Variants in ADGRB3 observed in about 807,000 individuals in gnomAD.
ADGRB3 encodes brain-specific angiogenesis inhibitor 3.
In ADGRB3, 37 loss-of-function variants were observed where a neutral mutation model predicts 193.4. The ratio of observed to expected loss-of-function variants is 0.19; its 90% CI spans 0.15 to 0.25. The LOEUF (loss-of-function observed/expected upper bound fraction) is 0.25. ADGRB3 is among the 10% of genes least tolerant of loss of function. The pLI is 1.00. For missense variants in ADGRB3, 1,637 were observed against 1,852.9 expected (o/e 0.88, Z 2.14); for synonymous variants, 690 against 644.2 (o/e 1.07, Z -1.08).
chr6:68,714,819 C>T (rs1172270663), intron 3 of ADGRB3, among the ~76,000 whole-genome samples: 2 of 151,614 alleles, frequency 1.3e-5, no homozygotes, highest in African/African-American at 4.8e-5. Context: ...TCTGGAATTC[C>T]TTTTCTTTTC....
intron 11 of ADGRB3, among the ~76,000 whole-genome samples, chr6:68,994,233 T>C (rs1230198875): frequency 6.6e-6 from 1 of 152,196 alleles, no homozygotes; most frequent in Non-Finnish European, 1.5e-5. Context: ...AAAGGCACTA[T>C]AGCAAATTCA....
At chr6:68,780,684 G>GC (rs1403495873) in intron 3 of ADGRB3, among the ~76,000 whole-genome samples, 16 of 151,964 alleles carry the variant, frequency 1.1e-4, no homozygotes, top group Non-Finnish European at 2.1e-4. Flanking sequence ...CTAAGCACAA[G>GC]GGTTTTTTTT....
chr6:69,325,022 G>T lies in ADGRB3; in HGVS notation c.2965G>T (p.Gly989Cys), dbSNP rs749926857. 6.2e-7 allele frequency: 1 copy of T among 1,612,960 alleles called. No individual in the cohort carries two copies. Among genetic ancestry groups the T allele is most frequent in the South Asian group, 1.1e-5 (1 of 90,934 alleles). ...AAAACGCTTTTTGTGCCTTGGATGG[G>T]GTAAGCATATTGATATACCGTTTCA... ...IRKRFLCLGW[G>C]LPALVVATSV... The change falls in exon 21 of 32, where the codon GGT becomes TGT. Residue 989 changes from glycine to cysteine, a missense_variant and splice_region_variant. By Grantham distance (159) the Gly-to-Cys change is radical. Transcript: ENST00000370598.
At chr6:68,737,896 G>T (rs770055657) in intron 3 of ADGRB3, among the ~76,000 whole-genome samples, 6 of 152,154 alleles carry the variant, frequency 3.9e-5, no homozygotes, top group Non-Finnish European at 5.9e-5. Context: ...AGAGTTCAGG[G>T]TTTAGTGGGT....
chr6:69,048,480 C>G (rs1771302311), intron 14 of ADGRB3, 146 bp downstream of exon 14: 2 of 890,054 alleles, frequency 2.2e-6, no homozygotes, highest in South Asian at 2.0e-5. Flanking sequence ...ATATGGACAA[C>G]TTATTCTCGG....
chr6:69,222,566 T>C (rs144559151), intron 17 of ADGRB3, among the ~76,000 whole-genome samples: 16 of 152,278 alleles, frequency 1.1e-4, no homozygotes, highest in Middle Eastern at 6.8e-3. Flanking sequence ...GTTTATTTCA[T>C]AGATCATATA....
chr6:69,351,760 A>G (rs1769231249), intron 26 of ADGRB3, among the ~76,000 whole-genome samples: 2 of 152,190 alleles, frequency 1.3e-5, no homozygotes, highest in South Asian at 4.1e-4. Context: ...TCAAGCAACT[A>G]AGAGTTGATT....
intron 19 of ADGRB3, among the ~76,000 whole-genome samples, chr6:69,237,888 G>A (rs1403486483): frequency 6.6e-6 from 1 of 151,986 alleles, no homozygotes; most frequent in Middle Eastern, 3.2e-3. Context: ...GATGATACAG[G>A]AACAAGGTTC....
chr6:68,877,103 G>A (rs1249566680), intron 3 of ADGRB3, among the ~76,000 whole-genome samples: 1 of 151,658 alleles, frequency 6.6e-6, no homozygotes, highest in Non-Finnish European at 1.5e-5. Context: ...TTTCTTTTAA[G>A]TCCTTGATAA....
At chr6:69,035,316 G>C (rs917062867) in intron 13 of ADGRB3, among the ~76,000 whole-genome samples, 8 of 151,756 alleles carry the variant, frequency 5.3e-5, no homozygotes, top group Middle Eastern at 3.4e-3. Flanking sequence ...ACATACTTCA[G>C]TTCTCCCTAT....
chr6:69,157,045 C>G (rs887171021), intron 17 of ADGRB3, among the ~76,000 whole-genome samples: 1 of 152,208 alleles, frequency 6.6e-6, no homozygotes, highest in Non-Finnish European at 1.5e-5. Context: ...GGCATCCATG[C>G]TGGACGCAAA....
intron 15 of ADGRB3, among the ~76,000 whole-genome samples, chr6:69,061,049 A>C (rs1168160523): frequency 2.0e-5 from 3 of 151,370 alleles, no homozygotes; most frequent in African/African-American, 7.3e-5. Flanking sequence ...TGTACCTTCA[A>C]TTGACTCATT....
chr6:69,297,406 CTCTCTA>C lies in ADGRB3; in HGVS notation c.2815-27464_2815-27459del, dbSNP rs1561980488. The stretch of plus-strand genomic sequence containing the variant: ...TCTCTCTCTCTATCTCTCTCTCTCT[CTCTCTA>C]TATATATATATATATGCTTTGAGGA... On this transcript the variant is annotated intron_variant, in intron 20 of 31. Transcript: ENST00000370598. Among the ~76,000 whole-genome samples the C allele has an allele frequency of 2.0e-3, 292 of 144,132 alleles. 1 individual carries two copies. The highest frequency in any genetic ancestry group is 6.9e-3 in the African/African-American group (265 of 38,562). 94.6% of individuals were successfully genotyped at this position (144,132 alleles called of 152,430 possible).
At chr6:69,348,907 A>C (rs1769164950) in intron 26 of ADGRB3, among the ~76,000 whole-genome samples, 1 of 152,224 alleles carries the variant, frequency 6.6e-6, no homozygotes, top group African/African-American at 2.4e-5. Flanking sequence ...AGTTGGAGAT[A>C]ATTGTTTTGG....
At chr6:69,341,567 C>T (rs1171504546) in intron 26 of ADGRB3, among the ~76,000 whole-genome samples, 1 of 152,036 alleles carries the variant, frequency 6.6e-6, no homozygotes, top group Non-Finnish European at 1.5e-5. Flanking sequence ...TGTTGCCAAG[C>T]CTTACTATTC....
intron 17 of ADGRB3, among the ~76,000 whole-genome samples, chr6:69,118,702 A>G (rs1582474229): frequency 6.6e-6 from 1 of 151,332 alleles, no homozygotes; most frequent in East Asian, 2.0e-4. Context: ...AGATGTTCTC[A>G]ATATCAGGTT....
At chr6:69,000,455 T>C (rs1333544809) in intron 11 of ADGRB3, among the ~76,000 whole-genome samples, 1 of 152,232 alleles carries the variant, frequency 6.6e-6, no homozygotes, top group Non-Finnish European at 1.5e-5. Flanking sequence ...GACAGCACTT[T>C]ATCTCATGCC....
chr6:68,731,902 T>C (rs1171719386), intron 3 of ADGRB3, among the ~76,000 whole-genome samples: 1 of 151,666 alleles, frequency 6.6e-6, no homozygotes, highest in Non-Finnish European at 1.5e-5. Flanking sequence ...AATATATACA[T>C]TGATATACAT....
intron 3 of ADGRB3, among the ~76,000 whole-genome samples, chr6:68,821,201 CTT>C (rs758576268): frequency 6.6e-6 from 1 of 151,926 alleles, no homozygotes; most frequent in Non-Finnish European, 1.5e-5. Context: ...GCTCTTACTT[CTT>C]TGTTTTTACC....
Sources: allele counts gnomAD v4.1 joint callset (sites outside exome capture counted in the v4.1 genomes callset), GRCh38; gene constraint gnomAD v4.1.1; transcripts MANE v1.5; gene names NCBI Gene and HGNC (gene_info 2026-07-23, HGNC 2026-07-21).